The following OR10R2 variants were observed in gnomAD, a reference collection of about 807,000 sequenced individuals.
OR10R2 encodes the protein olfactory receptor 10R2.
Under a neutral mutation model 2.4 loss-of-function variants are expected in OR10R2, and 1 was observed. That is an observed-to-expected ratio of 0.41 (90% CI 0.15 to 1.95). OR10R2 has a LOEUF of 1.95. Among genes scored for constraint, OR10R2 ranks in the 30% most tolerant of loss-of-function variants. The pLI is 0.30. For synonymous variants in OR10R2, 166 were observed against 144.8 expected (o/e 1.15, Z -1.05); for missense variants, 419 against 373.0 (o/e 1.12, Z -1.01).
chr1:158,480,283 G>T lies in OR10R2; in HGVS notation c.373G>T (p.Gly125Cys), dbSNP rs370522275. 3.1e-6 allele frequency: 5 copies of T among 1,613,896 alleles called. No homozygotes were observed. The African/African-American group carries it at 5.3e-5, about 17-fold the overall frequency. The stretch of plus-strand genomic sequence containing the variant: ...TGCCATTACCAACTGCCTGCTATTG[G>T]GTGTGATGGGTTATGATCGCTATGC... The change falls in exon 2 of 2, where the codon GGT (glycine) becomes TGT (cysteine). Residue 125 changes from glycine (G) to cysteine (C), a missense_variant. Transcript: ENST00000641067.
intron 1 of OR10R2, among the ~76,000 whole-genome samples, chr1:158,474,205 A>G (rs73025889): frequency 0.024 from 3,660 of 151,556 alleles, 128 homozygotes; most frequent in African/African-American, 0.084. Context: ...ATCCTCTCCC[A>G]TCTTCTCCTA....
chr1:158,478,208 C>T (rs555577387), intron 1 of OR10R2, among the ~76,000 whole-genome samples: 7 of 152,204 alleles, frequency 4.6e-5, no homozygotes, highest in Admixed American at 1.3e-4. Context: ...AAATCCTAGA[C>T]GAAAACCTGG....
At chr1:158,478,502 A>T (rs1458234037) in intron 1 of OR10R2, among the ~76,000 whole-genome samples, 1 of 152,194 alleles carries the variant, frequency 6.6e-6, no homozygotes, top group Non-Finnish European at 1.5e-5. Context: ...CTAAGATTTA[A>T]TTAACTGTTA....
At chr1:158,479,470 G>A in intron 1 of OR10R2, among the ~76,000 whole-genome samples, 1 of 151,944 alleles carries the variant, frequency 6.6e-6, no homozygotes, top group East Asian at 1.9e-4. Context: ...GCTTTTTTAT[G>A]ATATTGTGAA....
chr1:158,474,257 G>A lies in OR10R2; in HGVS notation c.27+1905G>A, dbSNP rs550397014. On this transcript the variant is annotated intron_variant, in intron 1 of 1. Transcript: ENST00000641067. ...GCAATGCCATGCCTCCTATTCTCAG[G>A]CCCCTGTATCTCTGCTGCCCAAATC... Among the ~76,000 whole-genome samples, 4 of 151,942 alleles carry A rather than the reference G, an allele frequency of 2.6e-5. No homozygotes were observed. In the South Asian group the frequency reaches 8.3e-4, roughly 32 times the overall value.
At chr1:158,479,432 C>T (rs1656334364) in intron 1 of OR10R2, among the ~76,000 whole-genome samples, 1 of 152,132 alleles carries the variant, frequency 6.6e-6, no homozygotes, top group African/African-American at 2.4e-5. Flanking sequence ...GTATATGTCT[C>T]ACACTTTTTT....
chr1:158,475,413 A>G (rs1316057179), intron 1 of OR10R2, among the ~76,000 whole-genome samples: 4 of 152,104 alleles, frequency 2.6e-5, no homozygotes, highest in African/African-American at 9.6e-5. Context: ...TTTTGTTACT[A>G]GTCATATAAC....
chr1:158,480,302 G>T (rs762149650), exon 2 of OR10R2: 4 of 1,614,072 alleles, frequency 2.5e-6, no homozygotes, highest in South Asian at 1.1e-5. Flanking sequence ...GGTTATGATC[G>T]CTATGCTGCC....
rs189537999 is a variant in OR10R2, at chr1:158,475,056, G to A, written c.27+2704G>A. Among the ~76,000 whole-genome samples, 323 of 152,194 alleles carry A rather than the reference G, an allele frequency of 2.1e-3. 1 individual carries two copies. The highest frequency in any genetic ancestry group is 3.8e-3 in the Non-Finnish European group (261 of 67,990). On this transcript the variant is annotated intron_variant, in intron 1 of 1. Transcript: ENST00000641067. ...ATACATTTAATAATAATCACAGCCT[G>A]TTTCATAGATGAGACAACTACAATA...
chr1:158,480,689 A>C (rs1268827556), exon 2 of OR10R2: 7 of 1,613,698 alleles, frequency 4.3e-6, no homozygotes, highest in Non-Finnish European at 5.9e-6. Context: ...GTTATTGTTC[A>C]TTATGGCTGT....
Position 158,480,620 on chromosome 1 carries a change from T to A in OR10R2, c.710T>A (p.Ile237Asn), listed in dbSNP as rs781252623. The A allele has an allele frequency of 1.9e-6, 3 of 1,613,842 alleles. No individual in the cohort carries two copies. In the South Asian group the frequency reaches 3.3e-5, roughly 18 times the overall value. ...TGCATTCTGAGGACTATCCTGAAGATTCCCTCAGCTGAGGGCAGACGGAAA... is the reference window on the plus strand; with the variant it reads ...TGCATTCTGAGGACTATCCTGAAGAATCCCTCAGCTGAGGGCAGACGGAAA... Residue 237 changes from isoleucine (I) to asparagine (N), a missense_variant, in exon 2 of 2, where the codon ATT becomes AAT. Coordinates refer to ENST00000641067, the Ensembl canonical transcript of OR10R2.
At position 158,480,045 on chromosome 1, in the gene OR10R2, A is replaced by C. The variant is rs62642483; in HGVS notation, c.135A>C (p.Leu45=). ...TTGTAGTTTTTCTTTTTCTGTATCT[A>C]GTCATTCTTAGTGGCAATGTCACCA... The change falls in exon 2 of 2, where the codon CTA becomes CTC. Residue 45 remains leucine, a synonymous_variant. Coordinates refer to ENST00000641067, the Ensembl canonical transcript of OR10R2. 1.1e-4 allele frequency: 181 copies of C among 1,613,936 alleles called. 1 individual carries two copies. In the Middle Eastern group the frequency reaches 2.0e-3, roughly 18 times the overall value.
exon 2 of OR10R2, chr1:158,480,240 G>A (rs780673528): frequency 1.9e-6 from 3 of 1,613,970 alleles, no homozygotes; most frequent in Non-Finnish European, 2.5e-6. Flanking sequence ...CTCTTCAAAT[G>A]TTCTTCTTCC....
chr1:158,475,743 A>G (rs1419418284), intron 1 of OR10R2, among the ~76,000 whole-genome samples: 2 of 151,498 alleles, frequency 1.3e-5, no homozygotes, highest in Non-Finnish European at 3.0e-5. Flanking sequence ...GTTGCTTAAT[A>G]CTCTTTGATA....
chr1:158,478,900 T>C (rs1020988635), intron 1 of OR10R2, among the ~76,000 whole-genome samples: 1 of 152,304 alleles, frequency 6.6e-6, no homozygotes, highest in East Asian at 1.9e-4. Flanking sequence ...TCCATCTATA[T>C]TGAGCTCAAC....
At chr1:158,476,547 C>CA (rs11291030) in intron 1 of OR10R2, among the ~76,000 whole-genome samples, 36,858 of 109,780 alleles carry the variant, frequency 0.34, 5,523 homozygotes, top group African/African-American at 0.38. Flanking sequence ...GACTCCATCT[C>CA]AAAAAAAAAA....
chr1:158,480,636 C>A (rs1656381836), exon 2 of OR10R2: 4 of 1,613,750 alleles, frequency 2.5e-6, no homozygotes, highest in Non-Finnish European at 3.4e-6. Context: ...CAGCTGAGGG[C>A]AGACGGAAAG....
intron 1 of OR10R2, among the ~76,000 whole-genome samples, chr1:158,476,851 T>C (rs1217160013): frequency 2.0e-5 from 3 of 152,212 alleles, no homozygotes; most frequent in African/African-American, 7.2e-5. Context: ...GCATTTTTCA[T>C]AAGTTTCATG....
exon 2 of OR10R2, chr1:158,480,673 A>G (rs1286124518): frequency 2.5e-6 from 4 of 1,613,800 alleles, no homozygotes; most frequent in Non-Finnish European, 3.4e-6. Context: ...CTCTCACCTC[A>G]GTGTTGTTAT....
Sources: gnomAD v4.1 joint callset for allele counts (sites outside exome capture counted in the v4.1 genomes callset) on GRCh38, gnomAD v4.1.1 for gene constraint, MANE v1.5 for transcripts, NCBI Gene and HGNC (gene_info 2026-07-23, HGNC 2026-07-21) for gene names.